The following CETN3 variants were observed in gnomAD, a reference collection of about 807,000 sequenced individuals.
CETN3 encodes centrin 3.
Under a neutral mutation model 20.1 loss-of-function variants are expected in CETN3, and 17 were observed. The ratio of observed to expected loss-of-function variants is 0.85; its 90% confidence interval spans 0.58 to 1.27. The LOEUF (loss-of-function observed/expected upper bound fraction) is 1.27, where lower values mean the gene tolerates loss of function less well. CETN3 is among the 50% of genes most tolerant of loss of function. CETN3 has a pLI of 0.00. For missense variants in CETN3, 169 were observed against 191.2 expected, an observed-to-expected ratio of 0.88 and a Z score of 0.69; for synonymous variants, 52 against 59.7, an observed-to-expected ratio of 0.87 and a Z score of 0.59.
At position 90,407,557 on chromosome 5, in the gene CETN3, A is replaced by G. The variant is rs569937735; in HGVS notation, c.153+142T>C. ...GAGTTCTCTTCAGTTTTATTACAGC[A>G]TCTAACTATGAATGCTTAAAATGCC... On this transcript the variant is annotated intron_variant, in intron 2 of 4. Coordinates refer to ENST00000283122, the MANE Select transcript of CETN3 (RefSeq NM_004365.4). 16 of 480,214 alleles carry G rather than the reference A, an allele frequency of 3.3e-5. No individual in the cohort carries two copies. In the Admixed American group the frequency reaches 5.7e-4, roughly 17 times the overall value. The allele number at this position is 480,214 out of a possible 1,614,324, so 29.7% of individuals were successfully genotyped here.
chr5:90,401,904 C>CAATG (rs1273881569), intron 3 of CETN3, among the ~76,000 whole-genome samples: 1 of 152,162 alleles, frequency 6.6e-6, no homozygotes, highest in East Asian at 1.9e-4. Flanking sequence ...GGCTGGAGTG[C>CAATG]AATGGCGTGA....
intron 4 of CETN3, 116 bp downstream of exon 4, chr5:90,399,242 A>G: frequency 1.2e-6 from 1 of 814,518 alleles, no homozygotes; most frequent in Non-Finnish European, 2.0e-6. Flanking sequence ...CAGAAGGTCC[A>G]TTACAAGAAG....
intron 2 of CETN3, among the ~76,000 whole-genome samples, chr5:90,407,349 G>A (rs952831711): frequency 6.6e-6 from 1 of 152,038 alleles, no homozygotes. Context: ...AAAACAGTAT[G>A]AGTCACCAAG....
intron 3 of CETN3, 52 bp from the exon 4 acceptor site, chr5:90,399,601 A>T (rs1306626413): frequency 2.1e-6 from 3 of 1,401,506 alleles, no homozygotes; most frequent in Non-Finnish European, 3.0e-6. Context: ...TCACAAAGGC[A>T]TTCATTTGTG....
chr5:90,403,816 A>C (rs1036977318), intron 3 of CETN3, among the ~76,000 whole-genome samples: 13 of 133,436 alleles, frequency 9.7e-5, no homozygotes, highest in African/African-American at 3.6e-4. Context: ...GCTTGCAGTG[A>C]GCCGAGATCC....
At chr5:90,406,277 T>C (rs908984916) in intron 2 of CETN3, among the ~76,000 whole-genome samples, 5 of 152,034 alleles carry the variant, frequency 3.3e-5, no homozygotes, top group Admixed American at 6.6e-5. Flanking sequence ...ATTTTGTTAC[T>C]AATAATAAGG....
At chr5:90,402,971 C>A in intron 3 of CETN3, among the ~76,000 whole-genome samples, 1 of 152,160 alleles carries the variant, frequency 6.6e-6, no homozygotes, top group East Asian at 1.9e-4. Flanking sequence ...GTATTACAAT[C>A]TCAATCAGCA....
At chr5:90,400,588 T>C (rs1309518907) in intron 3 of CETN3, among the ~76,000 whole-genome samples, 1 of 116,452 alleles carries the variant, frequency 8.6e-6, no homozygotes, top group Non-Finnish European at 1.8e-5. Flanking sequence ...ACAGAATCAT[T>C]AAAAAAAAAA....
chr5:90,394,903 G>A (rs1749102899), intron 4 of CETN3, among the ~76,000 whole-genome samples: 1 of 152,084 alleles, frequency 6.6e-6, no homozygotes, highest in Admixed American at 6.5e-5. Flanking sequence ...CCCGACATAT[G>A]CGCACGTATC....
chr5:90,403,283 A>G (rs1461983280), intron 3 of CETN3, among the ~76,000 whole-genome samples: 1 of 152,214 alleles, frequency 6.6e-6, no homozygotes, highest in Non-Finnish European at 1.5e-5. Flanking sequence ...ATCTGTGGTC[A>G]GTGATTAGTT....
intron 4 of CETN3, among the ~76,000 whole-genome samples, chr5:90,395,430 GT>G (rs1342023784): frequency 5.3e-5 from 8 of 152,068 alleles, no homozygotes; most frequent in African/African-American, 1.9e-4. Context: ...AAAGGATCAA[GT>G]TTTTGTTTTA....
chr5:90,395,435 TG>T (rs1749116337), intron 4 of CETN3, among the ~76,000 whole-genome samples: 1 of 152,112 alleles, frequency 6.6e-6, no homozygotes, highest in Admixed American at 6.5e-5. Context: ...ATCAAGTTTT[TG>T]TTTTATTATT....
intron 3 of CETN3, among the ~76,000 whole-genome samples, chr5:90,400,686 G>A (rs1749265621): frequency 6.6e-6 from 1 of 151,172 alleles, no homozygotes; most frequent in South Asian, 2.1e-4. Flanking sequence ...CCAACAAGCT[G>A]TTGTTTTGCT....
At chr5:90,396,106 A>T in intron 4 of CETN3, 2 of 971,640 alleles carry the variant, frequency 2.1e-6, no homozygotes, top group Non-Finnish European at 2.4e-6. Flanking sequence ...TAAAATAAAA[A>T]TACAGAATTT....
rs1426356353 is a variant in CETN3, at chr5:90,392,732, GCTT to G, written c.*1329_*1331del. 2.6e-5 allele frequency: 4 copies of G among 152,200 alleles called. No homozygotes were observed. Among genetic ancestry groups the G allele is most frequent in the Middle Eastern group, 3.4e-3 (1 of 292 alleles). The allele number at this position is 152,200 out of a possible 1,614,324, so 9.4% of individuals were successfully genotyped here. ...GCCTGCAGAACCGTAAGCCAATTAA[GCTT>G]CTTTTCTTTATAAAATATGCAGTCT... On this transcript the variant is annotated 3_prime_UTR_variant, in exon 5 of 5. Coordinates refer to ENST00000283122, the MANE Select transcript of CETN3 (RefSeq NM_004365.4).
At chr5:90,407,905 A>G in intron 1 of CETN3, 71 bp from the exon 2 acceptor site, 1 of 1,292,046 alleles carries the variant, frequency 7.7e-7, no homozygotes, top group East Asian at 2.6e-5. Context: ...GCCAATAATT[A>G]CCTTCTAAAT....
intron 3 of CETN3, among the ~76,000 whole-genome samples, chr5:90,400,956 G>T (rs1749274402): frequency 6.6e-6 from 1 of 152,032 alleles, no homozygotes; most frequent in Non-Finnish European, 1.5e-5. Flanking sequence ...AACTTATTTT[G>T]AATTTAGTCC....
chr5:90,408,406 T>A (rs1749522541), intron 1 of CETN3, among the ~76,000 whole-genome samples: 1 of 152,260 alleles, frequency 6.6e-6, no homozygotes, highest in Admixed American at 6.5e-5. Flanking sequence ...TGGCAATTTA[T>A]GTGTCATTTC....
chr5:90,394,382 T>A (rs949874254), intron 4 of CETN3, among the ~76,000 whole-genome samples: 2 of 151,972 alleles, frequency 1.3e-5, no homozygotes, highest in Admixed American at 1.3e-4. Flanking sequence ...ACCAAAAAAG[T>A]CAATCACAGT....
Sources: allele counts gnomAD v4.1 joint callset (sites outside exome capture counted in the v4.1 genomes callset), GRCh38; gene constraint gnomAD v4.1.1; transcripts MANE v1.5; gene names NCBI Gene and HGNC (gene_info 2026-07-23, HGNC 2026-07-21).